The following CSF1R variants were observed in gnomAD, a reference collection of about 807,000 sequenced individuals.
The protein encoded by CSF1R is colony stimulating factor 1 receptor.
A neutral mutation model predicts 110.0 loss-of-function variants in CSF1R; 40 were observed. That is an observed-to-expected ratio of 0.36 (90% CI 0.28 to 0.47). CSF1R has a LOEUF of 0.47. Ranked by LOEUF, CSF1R falls within the 20% of genes least tolerant of loss-of-function variation. CSF1R has a pLI of 0.99. For missense variants in CSF1R, 1,052 were observed against 1,253.0 expected (o/e 0.84, Z 2.42); for synonymous variants, 523 against 503.4 (o/e 1.04, Z -0.52).
At chr5:150,109,054 G>GCCCCCCCCCCCCCCCCCCC (rs1449685935) in intron 1 of CSF1R, among the ~76,000 whole-genome samples, 2 of 38,650 alleles carry the variant, frequency 5.2e-5, no homozygotes, top group African/African-American at 9.4e-5. Flanking sequence ...CCAAGGAGAA[G>GCCCCCCCCCCCCCCCCCCC]CCCGCCCCCC....
intron 14 of CSF1R, among the ~76,000 whole-genome samples, chr5:150,059,484 T>C (rs1187133476): frequency 6.6e-6 from 1 of 152,092 alleles, no homozygotes; most frequent in Admixed American, 6.5e-5. Context: ...CAGAACACGG[T>C]AGGTGTTCAA....
rs55657214 is a variant in CSF1R, at chr5:150,056,048, G to A, written c.2532C>T (p.Leu844=). Residue 844 remains leucine, a synonymous_variant, in exon 18 of 21, where the codon CTC becomes CTT. Transcript: ENST00000675795. ...VQSDVWSYGI[L]LWEIFSLGLN... ...CACCAAGTGAGAAGATCTCCCAGAG[G>A]AGGATGCCATAGGACCAGACGTCGC... 1.2e-6 allele frequency: 2 copies of A among 1,614,232 alleles called. No homozygotes were observed. The highest frequency in any genetic ancestry group is 4.5e-5 in the East Asian group (2 of 44,882).
chr5:150,107,379 T>C (rs1435159423), intron 1 of CSF1R, among the ~76,000 whole-genome samples: 1 of 152,242 alleles, frequency 6.6e-6, no homozygotes, highest in Non-Finnish European at 1.5e-5. Context: ...TATTAATAAT[T>C]GCATTAACAC....
rs1045879881 is a variant in CSF1R at position 150,086,522 on chromosome 5, G to T, written c.-95C>A. The T allele has an allele frequency of 4.2e-6, 5 of 1,200,388 alleles. No individual in the cohort carries two copies. The highest frequency in any genetic ancestry group is 6.0e-6 in the Non-Finnish European group (5 of 827,604). 74.4% of individuals were successfully genotyped at this position (1,200,388 alleles called of 1,614,324 possible). ...TAGCTCCGCAGGGATCGGGACACTG[G>T]ACACACGTTCCTCTCCTCTGCACTG... On this transcript the variant is annotated 5_prime_UTR_variant, in exon 1 of 21. Transcript: ENST00000675795.
intron 10 of CSF1R, 71 bp from the exon 11 acceptor site, chr5:150,061,920 C>T (rs1254119751): frequency 2.5e-6 from 4 of 1,605,320 alleles, no homozygotes; most frequent in Admixed American, 1.7e-5. Flanking sequence ...TTCTGACCCC[C>T]AAGAGCAGGG....
chr5:150,090,175 A>G (rs1337787894), upstream of CSF1R, among the ~76,000 whole-genome samples: 1 of 152,222 alleles, frequency 6.6e-6, no homozygotes, highest in Admixed American at 6.5e-5. Context: ...AATTGGACAT[A>G]ATAAAAATTA....
rs1297792163 is a variant in CSF1R, at chr5:150,073,729, A to G, written c.890-236T>C. 2.0e-5 allele frequency among the ~76,000 whole-genome samples: 3 copies of G among 152,060 alleles called. No homozygotes were observed. The South Asian group carries it at 6.2e-4, about 32-fold the overall frequency. The stretch of plus-strand genomic sequence containing the variant: ...AGAACCTGGGCAAATCCCTATCCCC[A>G]TTTGTGCCTCCATCTCCTTATTTGT... On this transcript the variant is annotated intron_variant, in intron 5 of 20. Coordinates refer to ENST00000675795, the MANE Select transcript of CSF1R (RefSeq NM_001288705.3).
At chr5:150,055,865 A>T (rs1481420259) in intron 18 of CSF1R, among the ~76,000 whole-genome samples, 161 bp downstream of exon 18, 6 of 152,232 alleles carry the variant, frequency 3.9e-5, no homozygotes, top group African/African-American at 1.4e-4. Flanking sequence ...GGGTCTGCCG[A>T]GTCCCGCAGG....
Position 150,055,264 on chromosome 5 carries a change from G to T in CSF1R, c.2627C>A (p.Ala876Asp), listed in dbSNP as rs1757153323. 6.2e-7 allele frequency: 1 copy of T among 1,614,146 alleles called. No homozygotes were observed. Among genetic ancestry groups the T allele is most frequent in the Non-Finnish European group, 8.5e-7 (1 of 1,180,004 alleles). The change falls in exon 19 of 21, where the codon GCC becomes GAC. Residue 876 changes from alanine to aspartate, a missense_variant. Transcript: ENST00000675795. ...ATTCTTTGGGGCAAATGCAGGCTGG[G>T]CCATTTGGTATCCATCCTTCACCAG... ...YKLVKDGYQM[A>D]QPAFAPKNIY...
Position 150,083,359 on chromosome 5 carries a change from C to T in CSF1R, c.50-2335G>A, listed in dbSNP as rs1188718207. 4.4e-5 allele frequency among the ~76,000 whole-genome samples: 6 copies of T among 135,708 alleles called. No homozygotes were observed. The East Asian group carries it at 1.2e-3, about 28-fold the overall frequency. 89.0% of individuals were successfully genotyped at this position (135,708 alleles called of 152,430 possible). A position where few individuals can be genotyped will look rare whatever the true frequency, so the allele number is the denominator to read the frequency against. ...CTACTCTTCTCTCCCAACACACACA[C>T]ACACACACACACACACACACACACA... is the stretch of plus-strand genomic sequence containing the variant. On this transcript the variant is annotated intron_variant, in intron 1 of 20. Transcript: ENST00000675795.
rs756527519 is a variant in CSF1R at position 150,054,137 on chromosome 5, G to A, written c.2851C>T (p.Leu951=). The change falls in exon 21 of 21, where the codon CTG becomes TTG. Residue 951 remains leucine (L), a synonymous_variant. Transcript: ENST00000675795. ...ELEEESSSEH[L]TCCEQGDIAQ... is the part of the protein sequence containing the mutation. ...ATATCCCCTTGCTCGCAGCAGGTCA[G>A]GTGCTCACTAGAGCTCTCCTCCTCC... 2.5e-6 allele frequency: 4 copies of A among 1,613,842 alleles called. No homozygotes were observed. The highest frequency in any genetic ancestry group is 1.3e-5 in the African/African-American group (1 of 74,936).
At chr5:150,068,407 G>T in intron 9 of CSF1R, 77 bp from the exon 10 acceptor site, 1 of 908,412 alleles carries the variant, frequency 1.1e-6, no homozygotes, top group Non-Finnish European at 1.7e-6. Flanking sequence ...CACACTGCCT[G>T]GAACACAGTG....
chr5:150,074,631 T>G (rs1758181505), intron 5 of CSF1R, among the ~76,000 whole-genome samples: 1 of 152,200 alleles, frequency 6.6e-6, no homozygotes, highest in Admixed American at 6.5e-5. Flanking sequence ...CTCAGGGCTC[T>G]GCCACAAGCC....
At chr5:150,072,280 G>T (rs958808683) in intron 6 of CSF1R, among the ~76,000 whole-genome samples, 1 of 152,062 alleles carries the variant, frequency 6.6e-6, no homozygotes. Flanking sequence ...GATCACCTGA[G>T]GTCAGGAGTT....
chr5:150,084,754 A>G (rs1479285870), intron 1 of CSF1R, among the ~76,000 whole-genome samples: 1 of 151,770 alleles, frequency 6.6e-6, no homozygotes. Flanking sequence ...GCCTGGCCAC[A>G]AGACTCCATC....
At chr5:150,100,498 C>T (rs182821620) in intron 1 of CSF1R, among the ~76,000 whole-genome samples, 1 of 151,790 alleles carries the variant, frequency 6.6e-6, no homozygotes, top group African/African-American at 2.4e-5. Context: ...GGGCTTTCAC[C>T]GTGTGGCTAA....
chr5:150,105,209 G>A (rs1266059305), intron 1 of CSF1R, among the ~76,000 whole-genome samples: 9 of 149,082 alleles, frequency 6.0e-5, no homozygotes, highest in East Asian at 4.0e-4. Flanking sequence ...TCAGCCAGGC[G>A]TGGTGGCACG....
rs2113831658 is a variant in CSF1R, at chr5:150,080,310, C to T, written c.334G>A (p.Ala112Thr). 1 of 1,613,666 alleles carries T rather than the reference C, an allele frequency of 6.2e-7. No individual in the cohort carries two copies. The highest frequency in any genetic ancestry group is 1.3e-5 in the African/African-American group (1 of 75,058). ...KDPARPWNVL[A>T]QEVVVFEDQD... ...TCCTCGAACACGACCACCTCCTGTG[C>T]TAGCACGTTCCAGGGCCGGGCAGGG... is the stretch of plus-strand genomic sequence containing the variant. The change falls in exon 3 of 21, where the codon GCA becomes ACA. Residue 112 changes from alanine (A) to threonine (T), a missense_variant. Physicochemically the swap from Ala to Thr is moderately conservative, Grantham distance 58. This residue lies in a region of CSF1R where 693 missense variants were observed against 735.4 expected (regional missense o/e 0.94). Coordinates refer to ENST00000675795, the MANE Select transcript of CSF1R (RefSeq NM_001288705.3).
chr5:150,069,719 G>A (rs1757944248), intron 9 of CSF1R, among the ~76,000 whole-genome samples, 154 bp downstream of exon 9: 1 of 151,886 alleles, frequency 6.6e-6, no homozygotes, highest in Admixed American at 6.5e-5. Flanking sequence ...GGCTTGGACT[G>A]GCCCAGAGAG....
Sources: gnomAD v4.1 joint callset for allele counts (sites outside exome capture counted in the v4.1 genomes callset) on GRCh38, gnomAD v4.1.1 for gene constraint, gnomAD v4.1.1 regional missense constraint, MANE v1.5 for transcripts, NCBI Gene and HGNC (gene_info 2026-07-23, HGNC 2026-07-21) for gene names.